MAST2: variants seen among roughly 807,000 people sequenced by gnomAD.
MAST2 encodes microtubule-associated serine/threonine-protein kinase 2.
A neutral mutation model predicts 147.4 loss-of-function variants in MAST2; 70 were observed. That is an observed-to-expected ratio of 0.47 (90% confidence interval 0.39 to 0.58). MAST2 has a LOEUF of 0.58. Ranked by LOEUF, MAST2 falls within the 20% of genes least tolerant of loss-of-function variation. MAST2 has a pLI of 0.00. For missense variants in MAST2, 2,080 were observed against 2,302.3 expected (o/e 0.90, Z 1.98); for synonymous variants, 869 against 896.8 (o/e 0.97, Z 0.55).
At chr1:46,034,045 A>C (rs1275026122) in intron 27 of MAST2, 28 bp from the exon 28 acceptor site, 1 of 1,609,018 alleles carries the variant, frequency 6.2e-7, no homozygotes, top group Non-Finnish European at 8.5e-7. Context: ...CACTGCACCG[A>C]CTCAGCCTTT....
rs1289048189 is a variant in MAST2, at chr1:46,035,991, G to A, written c.5322G>A (p.Arg1774=). 1.9e-6 allele frequency: 3 copies of A among 1,613,804 alleles called. No homozygotes were observed. In the East Asian group the frequency reaches 6.7e-5, roughly 36 times the overall value. Residue 1774 remains arginine, a synonymous_variant, in exon 29 of 29, where the codon AGG becomes AGA. Coordinates refer to ENST00000361297, the MANE Select transcript of MAST2 (RefSeq NM_015112.3). The surrounding 1 kb of genome is among the most constrained non-coding windows in gnomAD (Gnocchi z 5.5). ...AGAAGTCTGAGCCCAGCCTCAGGAG[G>A]GGCCAAGAACCAGGGGGCCATCAAA... ...LTQKSEPSLR[R]GQEPGGHQKH... is the part of the protein sequence containing the mutation.
At chr1:45,886,444 T>C (rs1055379487) in intron 4 of MAST2, among the ~76,000 whole-genome samples, 16 of 152,136 alleles carry the variant, frequency 1.1e-4, no homozygotes, top group East Asian at 7.7e-4. Flanking sequence ...AAGGGCTTTA[T>C]TGGGGCAAGG....
At chr1:45,840,919 AACT>A (rs1645253747) in intron 3 of MAST2, among the ~76,000 whole-genome samples, 2 of 152,274 alleles carry the variant, frequency 1.3e-5, no homozygotes, top group East Asian at 3.9e-4. Flanking sequence ...GAACATTCTG[AACT>A]GCATTTGGTA....
intron 3 of MAST2, among the ~76,000 whole-genome samples, chr1:45,854,457 A>G (rs1223551190): frequency 2.0e-5 from 3 of 152,040 alleles, no homozygotes; most frequent in African/African-American, 4.8e-5. Context: ...TACTGCTGCT[A>G]TATAGTAAGT....
At chr1:46,002,158 A>C (rs1418620771) in intron 6 of MAST2, among the ~76,000 whole-genome samples, 1 of 152,144 alleles carries the variant, frequency 6.6e-6, no homozygotes, top group Non-Finnish European at 1.5e-5. Flanking sequence ...TGTGGGGAGC[A>C]TCCTTTTGAG....
chr1:45,824,397 T>C lies in MAST2; in HGVS notation c.178-36T>C, dbSNP rs1185519401. Reference sequence around the variant, plus strand: ...AAGTTTTTATACTTCAGAGGAGATATTAAAGACTCATGTTTTACTCTTTTT... The same window carrying C: ...AAGTTTTTATACTTCAGAGGAGATACTAAAGACTCATGTTTTACTCTTTTT... On this transcript the variant is annotated intron_variant, in intron 1 of 28. Coordinates refer to ENST00000361297, the MANE Select transcript of MAST2 (RefSeq NM_015112.3). 6 of 1,531,952 alleles carry C rather than the reference T, an allele frequency of 3.9e-6. No homozygotes were observed. In the African/African-American group the frequency reaches 4.1e-5, roughly 11 times the overall value. The allele number at this position is 1,531,952 out of a possible 1,614,324, so 94.9% of individuals were successfully genotyped here.
rs867151548 is a variant in MAST2, at chr1:45,830,416, A to G, written c.468+835A>G. 1.2e-4 allele frequency among the ~76,000 whole-genome samples: 18 copies of G among 150,946 alleles called. 1 individual carries two copies. The Middle Eastern group carries it at 0.024, about 205-fold the overall frequency. On this transcript the variant is annotated intron_variant, in intron 3 of 28. Transcript: ENST00000361297. ...TCTTGAACTCCTGACCTCATGATCC[A>G]CCCACCTCAGCCTCCCAAAGTGTTG...
At chr1:45,994,274 CTTTTTTT>C (rs869216588) in intron 5 of MAST2, among the ~76,000 whole-genome samples, 88 of 62,040 alleles carry the variant, frequency 1.4e-3, no homozygotes, top group African/African-American at 5.2e-3. Context: ...CCCTAACCCT[CTTTTTTT>C]TTTTTTTTTT....
At chr1:45,882,012 T>TAAAAAAAA (rs71062722) in intron 3 of MAST2, among the ~76,000 whole-genome samples, 3 of 39,830 alleles carry the variant, frequency 7.5e-5, no homozygotes, top group Non-Finnish European at 1.4e-4. Flanking sequence ...CCGTCTCTAC[T>TAAAAAAAA]AAAAAAAAAA....
intron 3 of MAST2, among the ~76,000 whole-genome samples, chr1:45,856,525 G>C (rs1272839733): frequency 1.3e-5 from 2 of 152,076 alleles, no homozygotes; most frequent in Non-Finnish European, 2.9e-5. Context: ...TGCATGCCTT[G>C]TAAGTTTCAT....
At chr1:46,021,919 C>A in intron 11 of MAST2, 31 bp from the exon 12 acceptor site, 2 of 1,611,690 alleles carry the variant, frequency 1.2e-6, no homozygotes, top group South Asian at 2.2e-5. Context: ...TTATATCTGT[C>A]ACCACTGACT....
intron 1 of MAST2, among the ~76,000 whole-genome samples, chr1:45,808,592 T>C (rs745714494): frequency 2.0e-4 from 31 of 152,330 alleles, no homozygotes; most frequent in Non-Finnish European, 4.0e-4. Flanking sequence ...CTTCATGAAA[T>C]CTTTCAAACC....
At chr1:45,947,306 TA>T (rs55827908) in intron 4 of MAST2, among the ~76,000 whole-genome samples, 23,247 of 112,402 alleles carry the variant, frequency 0.21, 2,079 homozygotes, top group Non-Finnish European at 0.25. Context: ...TGATGAGCTT[TA>T]AAAAAAAAAA....
chr1:45,982,776 C>G (rs1161281446), intron 5 of MAST2, among the ~76,000 whole-genome samples: 1 of 152,184 alleles, frequency 6.6e-6, no homozygotes, highest in Admixed American at 6.5e-5. Context: ...GGCCCCTCCC[C>G]CTGCCATCCC....
At chr1:45,853,050 C>T (rs886801016) in intron 3 of MAST2, among the ~76,000 whole-genome samples, 2 of 152,066 alleles carry the variant, frequency 1.3e-5, no homozygotes, top group Non-Finnish European at 2.9e-5. Context: ...CATACCTCAT[C>T]CTCCCGAGTA....
At chr1:45,946,514 T>A (rs1442616569) in intron 4 of MAST2, among the ~76,000 whole-genome samples, 1 of 152,200 alleles carries the variant, frequency 6.6e-6, no homozygotes, top group Admixed American at 6.5e-5. Flanking sequence ...TCATGATATC[T>A]TGGGCTTGGC....
chr1:46,033,880 T>A lies in MAST2; in HGVS notation c.3616T>A (p.Tyr1206Asn). Residue 1206 changes from tyrosine to asparagine, a missense_variant, in exon 27 of 29, where the codon TAC becomes AAC. Around this residue, in one of 4 missense-constraint regions of MAST2, gnomAD observed 1,278 missense variants for 1,304.2 expected, o/e 0.98. Transcript: ENST00000361297. Reference sequence around the variant, plus strand: ...AGTGGGGCCAGCTCGGAAGGGCAGCTACAAGGCCAAGATGGCCCGAAGGAG... The same window carrying A: ...AGTGGGGCCAGCTCGGAAGGGCAGCAACAAGGCCAAGATGGCCCGAAGGAG... Reference protein sequence around the residue: ...IKVGPARKGSYKAKMARRSKR... With the variant: ...IKVGPARKGSNKAKMARRSKR... 6.2e-7 allele frequency: 1 copy of A among 1,614,114 alleles called. No homozygotes were observed. Among genetic ancestry groups the A allele is most frequent in the East Asian group, 2.2e-5 (1 of 44,872 alleles).
intron 4 of MAST2, among the ~76,000 whole-genome samples, chr1:45,920,857 T>TC (rs774339472): frequency 1.3e-5 from 2 of 152,238 alleles, no homozygotes; most frequent in African/African-American, 2.4e-5. Flanking sequence ...CATTTTTTTT[T>TC]CGATGAGGTG....
rs1480519017 is a variant in MAST2 at position 46,029,859 on chromosome 1, A to G, written c.2349A>G (p.Pro783=). 1.2e-6 allele frequency: 2 copies of G among 1,614,158 alleles called. No homozygotes were observed. Among genetic ancestry groups the G allele is most frequent in the Non-Finnish European group, 1.7e-6 (2 of 1,180,024 alleles). The change falls in exon 20 of 29, where the codon CCA becomes CCG. Residue 783 remains proline (P), a synonymous_variant. Coordinates refer to ENST00000361297, the MANE Select transcript of MAST2 (RefSeq NM_015112.3). ...TGSAYEVKQH[P]FFTGLDWTGL... is the part of the protein sequence containing the mutation. ...GTGCCTATGAGGTGAAGCAGCACCC[A>G]TTCTTTACTGGTCTGGACTGGACAG...
Sources: allele counts gnomAD v4.1 joint callset (sites outside exome capture counted in the v4.1 genomes callset), GRCh38; gene constraint gnomAD v4.1.1; regional missense constraint gnomAD v4.1.1; non-coding constraint Gnocchi (gnomAD v3.1); transcripts MANE v1.5; gene names NCBI Gene and HGNC (gene_info 2026-07-23, HGNC 2026-07-21).